Variants in EYS observed in about 807,000 individuals in gnomAD.
EYS encodes the protein EGF-like photoreceptor maintenance factor.
Under a neutral mutation model 282.1 loss-of-function variants are expected in EYS, and 250 were observed. That is an observed-to-expected ratio of 0.89 (90% CI 0.80 to 0.98). EYS has a LOEUF of 0.98. Ranked by LOEUF, EYS falls within the 50% of genes least tolerant of loss-of-function variation. EYS has a pLI of 0.00. For synonymous variants in EYS, 1,355 were observed against 1,282.9 expected, an observed-to-expected ratio of 1.06 and a Z score of -1.20; for missense variants, 4,016 against 3,709.0, an observed-to-expected ratio of 1.08 and a Z score of -2.15.
chr6:63,871,476 C>A (rs1017322766), intron 35 of EYS, among the ~76,000 whole-genome samples: 2 of 151,980 alleles, frequency 1.3e-5, no homozygotes, highest in African/African-American at 4.8e-5. Flanking sequence ...TCCTGGCCAA[C>A]ATGGTGAAAC....
At chr6:65,573,512 G>A (rs766833934) in intron 2 of EYS, among the ~76,000 whole-genome samples, 4 of 152,054 alleles carry the variant, frequency 2.6e-5, no homozygotes, top group Non-Finnish European at 5.9e-5. Flanking sequence ...GTCACCTCAG[G>A]AAAGAAACTT....
chr6:64,684,209 G>A (rs148199238), intron 22 of EYS, among the ~76,000 whole-genome samples: 82 of 152,246 alleles, frequency 5.4e-4, no homozygotes, highest in African/African-American at 1.9e-3. Context: ...AAACAAAAAG[G>A]TAGGCTGGAA....
chr6:63,884,581 C>A (rs1271272026), intron 35 of EYS, among the ~76,000 whole-genome samples: 1 of 152,002 alleles, frequency 6.6e-6, no homozygotes, highest in Non-Finnish European at 1.5e-5. Context: ...AAAATCTTGA[C>A]CAAGTTCGTG....
At chr6:63,930,665 T>C (rs1001532643) in intron 35 of EYS, among the ~76,000 whole-genome samples, 7 of 152,188 alleles carry the variant, frequency 4.6e-5, no homozygotes, top group African/African-American at 1.7e-4. Context: ...CACAAAGGTA[T>C]GTCAAAACTT....
chr6:64,144,386 A>G (rs1335648460), intron 31 of EYS, among the ~76,000 whole-genome samples: 1 of 152,206 alleles, frequency 6.6e-6, no homozygotes. Context: ...ATGAAAGAGA[A>G]AACTCTTCCA....
At chr6:64,753,385 T>C (rs1398956905) in intron 22 of EYS, among the ~76,000 whole-genome samples, 1 of 151,364 alleles carries the variant, frequency 6.6e-6, no homozygotes, top group Non-Finnish European at 1.5e-5. Flanking sequence ...ACTTAGCTGA[T>C]AAAGACATTT....
intron 11 of EYS, among the ~76,000 whole-genome samples, chr6:65,306,535 A>G (rs1257775299): frequency 1.3e-5 from 2 of 152,018 alleles, no homozygotes; most frequent in African/African-American, 2.4e-5. Context: ...GATATTCTTT[A>G]TTCTTTTGCT....
At chr6:64,646,742 T>C (rs1481290594) in intron 22 of EYS, among the ~76,000 whole-genome samples, 3 of 151,540 alleles carry the variant, frequency 2.0e-5, no homozygotes, top group African/African-American at 7.3e-5. Flanking sequence ...GAGGTGGAGC[T>C]TGCAGTAAGC....
chr6:65,113,254 A>C (rs2150190317), intron 12 of EYS, among the ~76,000 whole-genome samples: 1 of 152,150 alleles, frequency 6.6e-6, no homozygotes, highest in African/African-American at 2.4e-5. Flanking sequence ...GTGAAACCTA[A>C]ATGTATTGCT....
At chr6:64,304,402 G>A (rs1463054129) in intron 30 of EYS, among the ~76,000 whole-genome samples, 1 of 152,106 alleles carries the variant, frequency 6.6e-6, no homozygotes, top group Non-Finnish European at 1.5e-5. Flanking sequence ...GATAAGTAAG[G>A]AAATAGAGGA....
At chr6:65,044,145 C>T (rs1773027479) in intron 13 of EYS, among the ~76,000 whole-genome samples, 2 of 151,666 alleles carry the variant, frequency 1.3e-5, no homozygotes, top group South Asian at 4.1e-4. Flanking sequence ...CTTAGTGATA[C>T]TGAGCATTTT....
At chr6:64,264,493 G>T (rs1161494756) in intron 30 of EYS, among the ~76,000 whole-genome samples, 3 of 152,112 alleles carry the variant, frequency 2.0e-5, no homozygotes, top group Non-Finnish European at 4.4e-5. Context: ...CAGTAGAAGT[G>T]TGTAATACCT....
At chr6:65,277,728 T>C (rs960791854) in intron 12 of EYS, among the ~76,000 whole-genome samples, 5 of 152,196 alleles carry the variant, frequency 3.3e-5, no homozygotes, top group African/African-American at 4.8e-5. Context: ...CTCAATGACT[T>C]TACCTCCTTT....
intron 28 of EYS, among the ~76,000 whole-genome samples, chr6:64,419,913 C>T (rs1307113208): frequency 6.6e-6 from 1 of 152,206 alleles, no homozygotes; most frequent in Non-Finnish European, 1.5e-5. Flanking sequence ...TCTCACAGCT[C>T]CACTAGACAG....
chr6:64,582,574 A>T lies in EYS; in HGVS notation c.5644+7649T>A, dbSNP rs144257919. Among the ~76,000 whole-genome samples the T allele has an allele frequency of 9.1e-3, 1,267 of 139,818 alleles. 23 individuals carry two copies. The highest frequency in any genetic ancestry group is 0.031 in the African/African-American group (1,143 of 37,074). The allele number at this position is 139,818 out of a possible 152,430, so 91.7% of individuals were successfully genotyped here. A position where few individuals can be genotyped will look rare whatever the true frequency, so the allele number is the denominator to read the frequency against. ...TTTGGCCTGCAGGCTATAGTTTGCC[A>T]ATCCTTGGTCTTTTTTTTTTTTTTT... On this transcript the variant is annotated intron_variant, in intron 26 of 42. Transcript: ENST00000503581.
chr6:64,639,631 T>A lies in EYS; in HGVS notation c.3444-13386A>T, dbSNP rs190332813. On this transcript the variant is annotated intron_variant, in intron 22 of 42. Transcript: ENST00000503581. ...AAAACCCTAGAAGAAAACCTAGGCA[T>A]TACCATTCAGGACATAGGCATGGGC... Among the ~76,000 whole-genome samples, 5 of 90,610 alleles carry A rather than the reference T, an allele frequency of 5.5e-5. 2 individuals are homozygous for A. The highest frequency in any genetic ancestry group is 2.1e-4 in the African/African-American group (5 of 23,746). The allele number at this position is 90,610 out of a possible 152,430, so 59.4% of individuals were successfully genotyped here.
At chr6:64,999,257 G>C (rs1771376886) in intron 13 of EYS, among the ~76,000 whole-genome samples, 1 of 152,158 alleles carries the variant, frequency 6.6e-6, no homozygotes, top group African/African-American at 2.4e-5. Context: ...TTAAAACAAA[G>C]TAACAAAAAG....
At chr6:64,779,312 G>A (rs1163078076) in intron 22 of EYS, among the ~76,000 whole-genome samples, 1 of 151,988 alleles carries the variant, frequency 6.6e-6, no homozygotes, top group Non-Finnish European at 1.5e-5. Flanking sequence ...TTTCAGGGAT[G>A]GAAAAATGAG....
At chr6:65,408,237 T>C (rs1766838336) in intron 5 of EYS, among the ~76,000 whole-genome samples, 1 of 152,110 alleles carries the variant, frequency 6.6e-6, no homozygotes, top group South Asian at 2.1e-4. Context: ...ATAAGTGATA[T>C]TGGTCTTTAG....
Sources: allele counts gnomAD v4.1 joint callset (sites outside exome capture counted in the v4.1 genomes callset), GRCh38; gene constraint gnomAD v4.1.1; transcripts MANE v1.5; gene names NCBI Gene and HGNC (gene_info 2026-07-23, HGNC 2026-07-21).